Variants in LSM14A observed in about 807,000 individuals in gnomAD.
LSM14A encodes protein LSM14 homolog A.
A neutral mutation model predicts 52.4 loss-of-function variants in LSM14A; 14 were observed. That is an observed-to-expected ratio of 0.27 (90% CI 0.18 to 0.42). LSM14A has a LOEUF of 0.42. Among genes scored for constraint, LSM14A ranks in the 10% least tolerant of loss-of-function variants. The pLI is 1.00. For synonymous variants in LSM14A, 185 were observed against 200.3 expected, an observed-to-expected ratio of 0.92 and a Z score of 0.64; for missense variants, 417 against 581.8, an observed-to-expected ratio of 0.72 and a Z score of 2.91.
At chr19:34,222,073 A>G (rs1295579961) in intron 9 of LSM14A, among the ~76,000 whole-genome samples, 1 of 152,228 alleles carries the variant, frequency 6.6e-6, no homozygotes, top group South Asian at 2.1e-4. Context: ...GTAACAAGAC[A>G]TTGTTTTAAA....
intron 1 of LSM14A, among the ~76,000 whole-genome samples, chr19:34,191,088 C>T (rs942519122): frequency 6.6e-6 from 1 of 152,102 alleles, no homozygotes; most frequent in African/African-American, 2.4e-5. Context: ...TTTTTCATGA[C>T]ATCTTGTTTA....
chr19:34,227,749 T>G lies in LSM14A; in HGVS notation c.*361T>G, dbSNP rs2073416117. 4.7e-6 allele frequency: 1 copy of G among 213,426 alleles called. No individual in the cohort carries two copies. Among genetic ancestry groups the G allele is most frequent in the Non-Finnish European group, 9.2e-6 (1 of 109,198 alleles). The allele number at this position is 213,426 out of a possible 1,614,324, so 13.2% of individuals were successfully genotyped here. A position where few individuals can be genotyped will look rare whatever the true frequency, so the allele number is the denominator to read the frequency against. On this transcript the variant is annotated 3_prime_UTR_variant, in exon 10 of 10. Coordinates refer to ENST00000544216, the MANE Select transcript of LSM14A (RefSeq NM_015578.4). ...TTGTATTTGGCAATTGCAAGTTGCC[T>G]GCAGATAGGGCCGTGATACTGTGTT... is the stretch of plus-strand genomic sequence containing the variant.
At chr19:34,218,283 C>T (rs1036925622) in intron 6 of LSM14A, among the ~76,000 whole-genome samples, 7 of 152,236 alleles carry the variant, frequency 4.6e-5, no homozygotes, top group South Asian at 2.1e-4. Context: ...GGGTTACAGG[C>T]GTGAGCCACC....
intron 6 of LSM14A, 29 bp downstream of exon 6, chr19:34,215,690 C>T: frequency 1.4e-6 from 2 of 1,425,934 alleles, no homozygotes; most frequent in Non-Finnish European, 2.0e-6. Flanking sequence ...AAGTCATATT[C>T]TATGCTTCTC....
chr19:34,202,407 T>C (rs1371768907), intron 3 of LSM14A, among the ~76,000 whole-genome samples: 1 of 150,612 alleles, frequency 6.6e-6, no homozygotes, highest in Non-Finnish European at 1.5e-5. Context: ...GTGGGGGGAT[T>C]GCTTGAGCCT....
At chr19:34,227,274 A>C (rs694804) in intron 9 of LSM14A, 91 bp from the exon 10 acceptor site, 1 of 842,418 alleles carries the variant, frequency 1.2e-6, no homozygotes. Context: ...GAGTATATTT[A>C]AAGATAATTT....
intron 1 of LSM14A, among the ~76,000 whole-genome samples, chr19:34,173,675 T>C (rs933255078): frequency 1.6e-4 from 24 of 152,324 alleles, no homozygotes; most frequent in South Asian, 1.2e-3. Context: ...AAATAAACTT[T>C]AGCTCCTGAA....
intron 1 of LSM14A, among the ~76,000 whole-genome samples, chr19:34,190,731 A>G (rs1048693900): frequency 3.9e-5 from 6 of 152,078 alleles, no homozygotes; most frequent in South Asian, 2.1e-4. Context: ...TTCCAGAACT[A>G]TTTCTATTCT....
chr19:34,192,945 C>G (rs958227167), intron 1 of LSM14A, among the ~76,000 whole-genome samples: 3 of 151,872 alleles, frequency 2.0e-5, no homozygotes, highest in Admixed American at 6.6e-5. Flanking sequence ...CGTCACTGCA[C>G]TCCAGCTGGG....
chr19:34,217,616 C>G lies in LSM14A; in HGVS notation c.782-1775C>G, dbSNP rs1235689202. Among the ~76,000 whole-genome samples, 73 of 8,284 alleles carry G rather than the reference C, an allele frequency of 8.8e-3. 3 individuals are homozygous for G. Among genetic ancestry groups the G allele is most frequent in the Non-Finnish European group, 0.013 (47 of 3,650 alleles). The allele number at this position is 8,284 out of a possible 152,430, so 5.4% of individuals were successfully genotyped here. Reference sequence around the variant, plus strand: ...TATATATTTTTATATCCCCCCCCCCCGTGTTTTTTTTTTTTTTTTTTTTTT... The same window carrying G: ...TATATATTTTTATATCCCCCCCCCCGGTGTTTTTTTTTTTTTTTTTTTTTT... On this transcript the variant is annotated intron_variant, in intron 6 of 9. Coordinates refer to ENST00000544216, the MANE Select transcript of LSM14A (RefSeq NM_015578.4).
At position 34,172,744 on chromosome 19, in the gene LSM14A, C is replaced by T. The variant is rs142211742; in HGVS notation, c.102C>T (p.Ser34=). The change falls in exon 1 of 10, where the codon TCC becomes TCT. Residue 34 remains serine (S), a synonymous_variant. Coordinates refer to ENST00000544216, the MANE Select transcript of LSM14A (RefSeq NM_015578.4). ...GILYTIDTEN[S]TVALAKVRSF... ...TCTACACCATCGACACCGAAAACTC[C>T]ACCGTAGCCCTTGCCAAAGGTACGC... 6.4e-6 allele frequency: 10 copies of T among 1,573,250 alleles called. No homozygotes were observed. The highest frequency in any genetic ancestry group is 2.8e-5 in the African/African-American group (2 of 71,120).
At chr19:34,184,056 T>C (rs941336104) in intron 1 of LSM14A, among the ~76,000 whole-genome samples, 12 of 82,340 alleles carry the variant, frequency 1.5e-4, no homozygotes, top group Non-Finnish European at 2.6e-4. Flanking sequence ...TTTCCTTTGC[T>C]TTTTTTTTTT....
At chr19:34,223,337 C>T (rs2073169065) in intron 9 of LSM14A, among the ~76,000 whole-genome samples, 2 of 152,204 alleles carry the variant, frequency 1.3e-5, no homozygotes, top group Non-Finnish European at 2.9e-5. Flanking sequence ...ATCCTCTCAC[C>T]TCAGCTTCCC....
At position 34,221,716 on chromosome 19, in the gene LSM14A, A is replaced by G; in HGVS notation, c.1346A>G (p.Glu449Gly). The G allele has an allele frequency of 6.2e-7, 1 of 1,613,064 alleles. No individual in the cohort carries two copies. Among genetic ancestry groups the G allele is most frequent in the East Asian group, 2.2e-5 (1 of 44,840 alleles). Reference protein sequence around the residue: ...GGFRGGRGGREFADFEYRKDN... With the variant: ...GGFRGGRGGRGFADFEYRKDN... The stretch of plus-strand genomic sequence containing the variant: ...TTCAGAGGAGGTCGTGGGGGCCGGG[A>G]GTTTGCGGATTTTGAATATAGGGTA... The change falls in exon 9 of 10, where the codon GAG becomes GGG. Residue 449 changes from glutamate (E) to glycine (G), a missense_variant. Physicochemically the swap from Glu to Gly is moderately conservative, Grantham distance 98 (BLOSUM62 -2). Around this residue, in one of 2 missense-constraint regions of LSM14A, gnomAD observed 357 missense variants for 457.0 expected, o/e 0.78. Coordinates refer to ENST00000544216, the MANE Select transcript of LSM14A (RefSeq NM_015578.4).
intron 1 of LSM14A, among the ~76,000 whole-genome samples, chr19:34,174,573 A>G (rs2068950350): frequency 6.6e-6 from 1 of 152,172 alleles, no homozygotes; most frequent in African/African-American, 2.4e-5. Context: ...GATGGATGGT[A>G]TTTGGTGTTT....
At chr19:34,214,511 G>A (rs2145825124) in intron 4 of LSM14A, among the ~76,000 whole-genome samples, 1 of 152,170 alleles carries the variant, frequency 6.6e-6, no homozygotes, top group Non-Finnish European at 1.5e-5. Context: ...GTTTCGCCAT[G>A]TTGCCTAGGC....
At chr19:34,213,124 C>G (rs369053329) in intron 4 of LSM14A, among the ~76,000 whole-genome samples, 6 of 151,942 alleles carry the variant, frequency 3.9e-5, no homozygotes, top group African/African-American at 1.2e-4. Flanking sequence ...GCACTCCAGC[C>G]AGAGCAACAG....
At chr19:34,227,219 G>C (rs184989652) in intron 9 of LSM14A, 146 bp from the exon 10 acceptor site, 2 of 649,272 alleles carry the variant, frequency 3.1e-6, no homozygotes, top group Non-Finnish European at 5.5e-6. Flanking sequence ...AAGGAGTTTC[G>C]TGGAAATGAG....
intron 3 of LSM14A, among the ~76,000 whole-genome samples, chr19:34,200,745 C>G (rs2071230041): frequency 6.6e-6 from 1 of 152,120 alleles, no homozygotes; most frequent in Non-Finnish European, 1.5e-5. Context: ...ATTTCCAAAT[C>G]CAGTAGTAAG....
Sources: allele counts gnomAD v4.1 joint callset (sites outside exome capture counted in the v4.1 genomes callset), GRCh38; gene constraint gnomAD v4.1.1; regional missense constraint gnomAD v4.1.1; transcripts MANE v1.5; gene names NCBI Gene and HGNC (gene_info 2026-07-23, HGNC 2026-07-21).